The following ARL15 variants were observed in gnomAD, a reference collection of about 807,000 sequenced individuals.
ARL15 encodes the protein ADP-ribosylation factor-like protein 15.
A neutral mutation model predicts 25.2 loss-of-function variants in ARL15; 19 were observed. That is an observed-to-expected ratio of 0.75 (90% CI 0.53 to 1.10). ARL15 has a LOEUF of 1.10. Ranked by LOEUF, ARL15 falls within the 50% of genes least tolerant of loss-of-function variation. ARL15 has a pLI of 0.00. For missense variants in ARL15, 220 were observed against 246.0 expected (o/e 0.89, Z 0.71); for synonymous variants, 94 against 86.8 (o/e 1.08, Z -0.46).
At chr5:54,287,928 GT>G (rs1368815089) in intron 1 of ARL15, among the ~76,000 whole-genome samples, 1 of 152,146 alleles carries the variant, frequency 6.6e-6, no homozygotes, top group Non-Finnish European at 1.5e-5. Context: ...CCAAATTTGA[GT>G]TGAAAAATAC....
chr5:54,213,710 G>T (rs1300467421), intron 1 of ARL15, among the ~76,000 whole-genome samples: 1 of 152,014 alleles, frequency 6.6e-6, no homozygotes, highest in East Asian at 1.9e-4. Flanking sequence ...ATATAGCAGA[G>T]ATAATAAAAA....
intron 1 of ARL15, among the ~76,000 whole-genome samples, chr5:54,254,522 T>C (rs1757318135): frequency 6.6e-6 from 1 of 152,230 alleles, no homozygotes; most frequent in Non-Finnish European, 1.5e-5. Flanking sequence ...ACATAAATCA[T>C]AAAGAAGTTG....
chr5:53,910,876 T>G (rs1202306881), intron 4 of ARL15, among the ~76,000 whole-genome samples: 1 of 151,876 alleles, frequency 6.6e-6, no homozygotes, highest in African/African-American at 2.4e-5. Context: ...TGAGCATTAT[T>G]ATAGTTGCCT....
intron 4 of ARL15, among the ~76,000 whole-genome samples, chr5:53,916,920 G>A (rs911154605): frequency 3.9e-5 from 6 of 152,072 alleles, no homozygotes; most frequent in East Asian, 1.9e-4. Flanking sequence ...CCAAACCTCC[G>A]ATATTCAGTA....
At chr5:54,248,367 C>A (rs989260228) in intron 1 of ARL15, among the ~76,000 whole-genome samples, 5 of 152,198 alleles carry the variant, frequency 3.3e-5, no homozygotes, top group Admixed American at 2.0e-4. Flanking sequence ...TTCTCGGACT[C>A]ACTCTCCTGC....
At chr5:54,135,861 A>G (rs1189089249) in intron 3 of ARL15, among the ~76,000 whole-genome samples, 1 of 152,160 alleles carries the variant, frequency 6.6e-6, no homozygotes, top group Non-Finnish European at 1.5e-5. Flanking sequence ...TATAAGACTC[A>G]TTTCTGAAGG....
At chr5:54,084,372 A>T (rs1751890889) in intron 4 of ARL15, among the ~76,000 whole-genome samples, 1 of 142,346 alleles carries the variant, frequency 7.0e-6, no homozygotes, top group African/African-American at 2.6e-5. Flanking sequence ...AGACTCCCAG[A>T]GGGGTGGAGG....
intron 1 of ARL15, among the ~76,000 whole-genome samples, chr5:54,222,138 T>C (rs1756395838): frequency 6.6e-6 from 1 of 152,238 alleles, no homozygotes. Flanking sequence ...CCAATGAATC[T>C]TGCATTTCTA....
At chr5:53,951,465 G>A (rs1463403704) in intron 4 of ARL15, 2 of 468,116 alleles carry the variant, frequency 4.3e-6, no homozygotes, top group African/African-American at 2.0e-5. Flanking sequence ...TTATCTTCTT[G>A]CATACTCAAA....
chr5:54,083,356 C>T (rs887322149), intron 4 of ARL15, among the ~76,000 whole-genome samples: 2 of 152,156 alleles, frequency 1.3e-5, no homozygotes, highest in Non-Finnish European at 2.9e-5. Context: ...GAAATTGATG[C>T]AATGGTACAC....
intron 1 of ARL15, among the ~76,000 whole-genome samples, chr5:54,300,848 T>C (rs909062631): frequency 6.6e-6 from 1 of 152,198 alleles, no homozygotes; most frequent in African/African-American, 2.4e-5. Context: ...TCTGACCATG[T>C]CATTGCAGGC....
intron 4 of ARL15, among the ~76,000 whole-genome samples, chr5:54,031,922 A>G (rs1750005908): frequency 6.6e-6 from 1 of 152,210 alleles, no homozygotes; most frequent in Admixed American, 6.5e-5. Context: ...TTTGTGAAAC[A>G]CCTAATTCCT....
In ARL15 at chr5:53,889,587, C is replaced by G. The variant is rs116755635; in HGVS notation, c.463-2874G>C. Among the ~76,000 whole-genome samples the G allele has an allele frequency of 9.0e-3, 1,364 of 152,320 alleles. 24 individuals carry two copies. Among genetic ancestry groups the G allele is most frequent in the African/African-American group, 0.031 (1,306 of 41,578 alleles). On this transcript the variant is annotated intron_variant, in intron 4 of 4. Transcript: ENST00000504924. The stretch of plus-strand genomic sequence containing the variant: ...CCATCACCTAAGTGGGTATCTAACA[C>G]TGCCAATATTCACTCCACTGGTATC...
Position 54,027,836 on chromosome 5 carries a change from T to A in ARL15, c.462+85366A>T, listed in dbSNP as rs149660333. On this transcript the variant is annotated intron_variant, in intron 4 of 4. Transcript: ENST00000504924. Reference sequence around the variant, plus strand: ...ACTCCCTGTATTTTGCGCTGAACATTCCCAGAAAAGAGTCATTACTAATAT... The same window carrying A: ...ACTCCCTGTATTTTGCGCTGAACATACCCAGAAAAGAGTCATTACTAATAT... Among the ~76,000 whole-genome samples, 449 of 152,202 alleles carry A rather than the reference T, an allele frequency of 3.0e-3. 2 individuals carry two copies. The highest frequency in any genetic ancestry group is 0.01 in the African/African-American group (431 of 41,524).
In ARL15 at chr5:54,113,321, C is replaced by A; in HGVS notation, c.343G>T (p.Asp115Tyr). 6.2e-7 allele frequency: 1 copy of A among 1,613,992 alleles called. No homozygotes were observed. The highest frequency in any genetic ancestry group is 8.5e-7 in the Non-Finnish European group (1 of 1,179,862). Residue 115 changes from aspartate (D) to tyrosine (Y), a missense_variant, in exon 4 of 5, where the codon GAT (aspartate) becomes TAT (tyrosine). Physicochemically the swap from Asp to Tyr is radical, Grantham distance 160. Transcript: ENST00000504924. Reference protein sequence around the residue: ...FVLDSASSEDDLEAARNELHS... With the variant: ...FVLDSASSEDYLEAARNELHS... ...AGCTCATTTCTAGCAGCTTCTAAAT[C>A]ATCCTCTGAAGAGGCACTGTCTAAT...
chr5:54,261,196 T>A (rs1340558215), intron 1 of ARL15, among the ~76,000 whole-genome samples: 1 of 152,188 alleles, frequency 6.6e-6, no homozygotes, highest in African/African-American at 2.4e-5. Context: ...ACATCCATCC[T>A]ATGGGAAGAT....
In ARL15 at chr5:54,219,941, T is replaced by C. The variant is rs1756322914; in HGVS notation, c.49-48013A>G. On this transcript the variant is annotated intron_variant, in intron 1 of 4. Coordinates refer to ENST00000504924, the MANE Select transcript of ARL15 (RefSeq NM_019087.3). ...TCTTGAAATGGATAATCTAGTGGTA[T>C]CTTGAAGGAATAAACATATTTCTTT... 2.6e-5 allele frequency among the ~76,000 whole-genome samples: 4 copies of C among 152,318 alleles called. No individual in the cohort carries two copies. In the East Asian group the frequency reaches 7.7e-4, roughly 29 times the overall value.
At chr5:54,278,353 A>G (rs1395600882) in intron 1 of ARL15, among the ~76,000 whole-genome samples, 1 of 152,198 alleles carries the variant, frequency 6.6e-6, no homozygotes, top group Non-Finnish European at 1.5e-5. Flanking sequence ...ATTTCATAAA[A>G]TCATAGAACC....
At chr5:54,000,137 C>T (rs1748806172) in intron 4 of ARL15, among the ~76,000 whole-genome samples, 1 of 152,134 alleles carries the variant, frequency 6.6e-6, no homozygotes, top group Admixed American at 6.5e-5. Context: ...TCAAAGAACA[C>T]TCTTTTCTTT....
Sources: gnomAD v4.1 joint callset for allele counts (sites outside exome capture counted in the v4.1 genomes callset) on GRCh38, gnomAD v4.1.1 for gene constraint, MANE v1.5 for transcripts, NCBI Gene and HGNC (gene_info 2026-07-23, HGNC 2026-07-21) for gene names.